AGAP1: variants seen among roughly 807,000 people sequenced by gnomAD.
AGAP1 encodes arf-GAP with GTPase, ANK repeat and PH domain-containing protein 1.
A neutral mutation model predicts 105.3 loss-of-function variants in AGAP1; 29 were observed. The observed-to-expected ratio is 0.28, with a 90% CI of 0.21 to 0.38. The LOEUF (loss-of-function observed/expected upper bound fraction) is 0.38. Ranked by LOEUF, AGAP1 falls within the 10% of genes least tolerant of loss-of-function variation. AGAP1 has a pLI of 1.00. For missense variants in AGAP1, 998 were observed against 1,165.1 expected (o/e 0.86, Z 2.09); for synonymous variants, 509 against 485.9 (o/e 1.05, Z -0.63).
rs1224704779 is a variant in AGAP1 at position 235,550,174 on chromosome 2, C to A, written c.163+55325C>A. 6.6e-6 allele frequency among the ~76,000 whole-genome samples: 1 copy of A among 152,188 alleles called. No individual in the cohort carries two copies. Among genetic ancestry groups the A allele is most frequent in the Non-Finnish European group, 1.5e-5 (1 of 68,034 alleles). ...GTGCAGCCTGCACACTCCCAGCACCCGTGGCAGTCTTAGCAGGTGGATTAT... is the reference window on the plus strand; with the variant it reads ...GTGCAGCCTGCACACTCCCAGCACCAGTGGCAGTCTTAGCAGGTGGATTAT... On this transcript the variant is annotated intron_variant, in intron 1 of 17. Coordinates refer to ENST00000304032, the MANE Select transcript of AGAP1 (RefSeq NM_001037131.3). The surrounding 1 kb of genome is among the most constrained non-coding windows in gnomAD (Gnocchi z 4.6).
chr2:235,892,089 G>A (rs1465420501), intron 10 of AGAP1, among the ~76,000 whole-genome samples: 1 of 152,042 alleles, frequency 6.6e-6, no homozygotes, highest in Non-Finnish European at 1.5e-5. Context: ...AGGAGACGGA[G>A]GTTGCAGTGA....
rs1444382640 is a variant in AGAP1, at chr2:236,121,133, G to A, written c.2370+686G>A. ...GCAGGGAGGCTCCCCAGATAGGGAA[G>A]GCAAGTGTGTGCCCAGAAGTGGAGA... On this transcript the variant is annotated intron_variant, in intron 17 of 17. Transcript: ENST00000304032. The surrounding 1 kb of genome is among the most constrained non-coding windows in gnomAD (Gnocchi z 4.9). 6.6e-6 allele frequency among the ~76,000 whole-genome samples: 1 copy of A among 152,208 alleles called. No individual in the cohort carries two copies. Among genetic ancestry groups the A allele is most frequent in the Non-Finnish European group, 1.5e-5 (1 of 68,038 alleles).
intron 1 of AGAP1, among the ~76,000 whole-genome samples, chr2:235,563,891 C>CA (rs1944251919): frequency 6.6e-6 from 1 of 152,094 alleles, no homozygotes; most frequent in South Asian, 2.1e-4. Flanking sequence ...ATTGTGGCTC[C>CA]AGCAGGTTAA....
chr2:235,755,448 C>T (rs1318914665), intron 6 of AGAP1, among the ~76,000 whole-genome samples: 1 of 152,136 alleles, frequency 6.6e-6, no homozygotes, highest in Non-Finnish European at 1.5e-5. Context: ...CCTCCCCTTC[C>T]CCTTCCCTTT....
At chr2:236,070,838 G>A (rs1559246329) in intron 16 of AGAP1, among the ~76,000 whole-genome samples, 1 of 152,178 alleles carries the variant, frequency 6.6e-6, no homozygotes, top group Non-Finnish European at 1.5e-5. Flanking sequence ...TCTTTTTGGG[G>A]TGATCAAAAT....
At chr2:236,094,544 G>T (rs967635944) in intron 16 of AGAP1, among the ~76,000 whole-genome samples, 1 of 151,738 alleles carries the variant, frequency 6.6e-6, no homozygotes, top group Non-Finnish European at 1.5e-5. Flanking sequence ...TAGAGACCAG[G>T]CTTCACCGTG....
At position 235,739,173 on chromosome 2, in the gene AGAP1, G is replaced by A. The variant is rs1268180829; in HGVS notation, c.311-1790G>A. Among the ~76,000 whole-genome samples the A allele has an allele frequency of 3.3e-5, 5 of 150,104 alleles. No individual in the cohort carries two copies. The highest frequency in any genetic ancestry group is 1.3e-4 in the African/African-American group (5 of 39,502). On this transcript the variant is annotated intron_variant, in intron 3 of 17. Coordinates refer to ENST00000304032, the MANE Select transcript of AGAP1 (RefSeq NM_001037131.3). The surrounding 1 kb of genome is among the most constrained non-coding windows in gnomAD (Gnocchi z 5.3). The stretch of plus-strand genomic sequence containing the variant: ...GGGGACACTGAGATGGGGCGAGGTG[G>A]GGCAAGACTACACAGCTGTATGTGG...
intron 6 of AGAP1, among the ~76,000 whole-genome samples, chr2:235,763,745 T>C (rs1163991215): frequency 1.3e-5 from 2 of 152,222 alleles, no homozygotes; most frequent in African/African-American, 2.4e-5. Context: ...CACAGAAGTA[T>C]TATTTCATGT....
chr2:235,711,518 T>G (rs961339280), intron 2 of AGAP1, among the ~76,000 whole-genome samples: 4 of 152,234 alleles, frequency 2.6e-5, no homozygotes, highest in African/African-American at 9.6e-5. Context: ...ACGGACTGTC[T>G]TAAGGCTTGC....
rs1325543360 is a variant in AGAP1, at chr2:235,722,224, CA to C, written c.310+4583del. On this transcript the variant is annotated intron_variant, in intron 3 of 17. Transcript: ENST00000304032. ...TACCTCAGTCCTAGGGCTGTGGTAA[CA>C]AAGTACCACAAACTGGCTTAAAACA... Among the ~76,000 whole-genome samples the C allele has an allele frequency of 2.0e-5, 3 of 152,142 alleles. 1 individual carries two copies. Among genetic ancestry groups the C allele is most frequent in the African/African-American group, 7.2e-5 (3 of 41,394 alleles).
chr2:235,758,315 T>C lies in AGAP1; in HGVS notation c.673+7827T>C, dbSNP rs577941206. Among the ~76,000 whole-genome samples the C allele has an allele frequency of 3.3e-5, 5 of 152,336 alleles. No individual in the cohort carries two copies. The South Asian group carries it at 1.0e-3, about 32-fold the overall frequency. ...TTTAATCACTTGTAGTAATGACTAA[T>C]AATTATGCAACAATTTAACGGCTTA... On this transcript the variant is annotated intron_variant, in intron 6 of 17. Transcript: ENST00000304032.
rs1400338931 is a variant in AGAP1 at position 236,082,691 on chromosome 2, T to C, written c.2114+33410T>C. Among the ~76,000 whole-genome samples, 1 of 152,114 alleles carries C rather than the reference T, an allele frequency of 6.6e-6. No individual in the cohort carries two copies. Among genetic ancestry groups the C allele is most frequent in the Admixed American group, 6.5e-5 (1 of 15,286 alleles). On this transcript the variant is annotated intron_variant, in intron 16 of 17. Coordinates refer to ENST00000304032, the MANE Select transcript of AGAP1 (RefSeq NM_001037131.3). This position sits in a 1 kb window ranked among gnomAD's most constrained non-coding sequence, Gnocchi z 4.2. The stretch of plus-strand genomic sequence containing the variant: ...GAGTTTGAGACCAGCCTGGCCAACA[T>C]GGCGAAACCCTGTCTCTACTAAAAA...
chr2:235,736,115 C>T lies in AGAP1; in HGVS notation c.311-4848C>T, dbSNP rs374424924. ...TCTGTTTTCCCCTCTCACTGAGATGCGGTCACAGCTGCCCAGCGACCTGGT... is the reference window on the plus strand; with the variant it reads ...TCTGTTTTCCCCTCTCACTGAGATGTGGTCACAGCTGCCCAGCGACCTGGT... On this transcript the variant is annotated intron_variant, in intron 3 of 17. Coordinates refer to ENST00000304032, the MANE Select transcript of AGAP1 (RefSeq NM_001037131.3). The surrounding 1 kb of genome is among the most constrained non-coding windows in gnomAD (Gnocchi z 5.5). Among the ~76,000 whole-genome samples, 26 of 151,564 alleles carry T rather than the reference C, an allele frequency of 1.7e-4. No homozygotes were observed. The East Asian group carries it at 3.7e-3, about 22-fold the overall frequency.
chr2:235,932,875 G>T (rs1433729324), intron 12 of AGAP1, among the ~76,000 whole-genome samples: 1 of 152,218 alleles, frequency 6.6e-6, no homozygotes, highest in Non-Finnish European at 1.5e-5. Context: ...TGCATTGTCT[G>T]CACGCATGCA....
chr2:235,968,038 C>T (rs2054480875), intron 12 of AGAP1, among the ~76,000 whole-genome samples: 1 of 152,202 alleles, frequency 6.6e-6, no homozygotes, highest in Non-Finnish European at 1.5e-5. Flanking sequence ...TGTGCACCCA[C>T]AGGAGTCAAA....
At chr2:235,647,455 A>G (rs547451677) in intron 1 of AGAP1, among the ~76,000 whole-genome samples, 41 of 152,168 alleles carry the variant, frequency 2.7e-4, no homozygotes, top group African/African-American at 9.6e-4. Context: ...TGGTGCAGTC[A>G]TAGCTCACTG....
At position 235,660,211 on chromosome 2, in the gene AGAP1, G is replaced by A. The variant is rs1277794110; in HGVS notation, c.164-48968G>A. On this transcript the variant is annotated intron_variant, in intron 1 of 17. Coordinates refer to ENST00000304032, the MANE Select transcript of AGAP1 (RefSeq NM_001037131.3). The surrounding 1 kb of genome is among the most constrained non-coding windows in gnomAD (Gnocchi z 5.3). ...GATTTTTGTGGCTAGGGGAAGAAGT[G>A]AATCACCCTCTTCTCTGTGTCTTTC... Among the ~76,000 whole-genome samples the A allele has an allele frequency of 6.6e-6, 1 of 152,170 alleles. No individual in the cohort carries two copies. Among genetic ancestry groups the A allele is most frequent in the Non-Finnish European group, 1.5e-5 (1 of 68,032 alleles).
Position 235,617,450 on chromosome 2 carries a change from C to T in AGAP1, c.164-91729C>T, listed in dbSNP as rs539237285. On this transcript the variant is annotated intron_variant, in intron 1 of 17. Transcript: ENST00000304032. Reference sequence around the variant, plus strand: ...GGTGCGGTGGCTCACACCTGTAATCCGAGCACTTTGGGAGGCCAAGGTGGG... The same window carrying T: ...GGTGCGGTGGCTCACACCTGTAATCTGAGCACTTTGGGAGGCCAAGGTGGG... Among the ~76,000 whole-genome samples the T allele has an allele frequency of 4.6e-5, 7 of 152,218 alleles. No individual in the cohort carries two copies. The South Asian group carries it at 1.2e-3, about 27-fold the overall frequency.
At position 235,549,428 on chromosome 2, in the gene AGAP1, T is replaced by C. The variant is rs1458781448; in HGVS notation, c.163+54579T>C. On this transcript the variant is annotated intron_variant, in intron 1 of 17. Coordinates refer to ENST00000304032, the MANE Select transcript of AGAP1 (RefSeq NM_001037131.3). This position sits in a 1 kb window ranked among gnomAD's most constrained non-coding sequence, Gnocchi z 4.2. ...CCCCAGCTACTTGGAGAGATGCTGT[T>C]GAGGTTGGGAGGCAATGCAGGGTGT... 1.3e-5 allele frequency among the ~76,000 whole-genome samples: 2 copies of C among 152,078 alleles called. No homozygotes were observed. The highest frequency in any genetic ancestry group is 4.8e-5 in the African/African-American group (2 of 41,426).
Sources: gnomAD v4.1 joint callset for allele counts (sites outside exome capture counted in the v4.1 genomes callset) on GRCh38, gnomAD v4.1.1 for gene constraint, Gnocchi (gnomAD v3.1) non-coding constraint, MANE v1.5 for transcripts, NCBI Gene and HGNC (gene_info 2026-07-23, HGNC 2026-07-21) for gene names.